Variants in ZBTB20 observed in about 807,000 individuals in gnomAD.
The protein encoded by ZBTB20 is zinc finger and BTB domain-containing protein 20.
Under a neutral mutation model 56.9 loss-of-function variants are expected in ZBTB20, and 9 were observed. That is an observed-to-expected ratio of 0.16 (90% CI 0.10 to 0.28). The LOEUF is 0.28. ZBTB20 is among the 10% of genes least tolerant of loss of function. The pLI is 1.00. For missense variants in ZBTB20, 655 were observed against 1,003.0 expected, an observed-to-expected ratio of 0.65 and a Z score of 4.69; for synonymous variants, 417 against 420.7, an observed-to-expected ratio of 0.99 and a Z score of 0.11.
chr3:114,884,867 A>G (rs1391266468), intron 4 of ZBTB20, among the ~76,000 whole-genome samples: 1 of 152,184 alleles, frequency 6.6e-6, no homozygotes, highest in Non-Finnish European at 1.5e-5. Context: ...GGGAGAAATG[A>G]TGGCTCAAAA....
At chr3:114,880,852 C>A (rs979218185) in intron 4 of ZBTB20, among the ~76,000 whole-genome samples, 3 of 152,096 alleles carry the variant, frequency 2.0e-5, no homozygotes, top group African/African-American at 7.2e-5. Context: ...GTTGCATGCA[C>A]ACATACATAT....
At chr3:114,715,998 T>C (rs2064452852) in intron 5 of ZBTB20, among the ~76,000 whole-genome samples, 2 of 152,216 alleles carry the variant, frequency 1.3e-5, no homozygotes, top group African/African-American at 4.8e-5. Flanking sequence ...CGTGGCCTCT[T>C]ATAATCATGA....
intron 5 of ZBTB20, among the ~76,000 whole-genome samples, chr3:114,737,542 A>G (rs970139886): frequency 6.6e-6 from 1 of 152,036 alleles, no homozygotes; most frequent in Non-Finnish European, 1.5e-5. Context: ...CAGAACCAAA[A>G]CTGCTATTCA....
At chr3:115,014,804 T>C (rs1336042681) in intron 2 of ZBTB20, among the ~76,000 whole-genome samples, 2 of 151,762 alleles carry the variant, frequency 1.3e-5, no homozygotes, top group Non-Finnish European at 2.9e-5. Flanking sequence ...TTGTTTGTTT[T>C]TCATTTGAGT....
At chr3:114,567,783 C>A (rs2052957121) in intron 6 of ZBTB20, among the ~76,000 whole-genome samples, 1 of 152,198 alleles carries the variant, frequency 6.6e-6, no homozygotes, top group South Asian at 2.1e-4. Flanking sequence ...AGGTTAAAAT[C>A]TTTTGAAACC....
chr3:114,993,234 G>A (rs1254104394), intron 2 of ZBTB20, among the ~76,000 whole-genome samples: 1 of 151,710 alleles, frequency 6.6e-6, no homozygotes, highest in East Asian at 1.9e-4. Context: ...GAGAAAAGCA[G>A]TACAAAAGAA....
intron 2 of ZBTB20, among the ~76,000 whole-genome samples, chr3:114,978,152 C>A (rs1280778852): frequency 1.3e-5 from 2 of 150,634 alleles, no homozygotes; most frequent in African/African-American, 4.9e-5. Context: ...ACATATTATT[C>A]TACTTTTTAA....
intron 4 of ZBTB20, among the ~76,000 whole-genome samples, chr3:114,827,659 G>A (rs572373077): frequency 6.6e-6 from 1 of 151,724 alleles, no homozygotes; most frequent in East Asian, 1.9e-4. Flanking sequence ...GGTCATGTGA[G>A]GGGGAGAGCT....
At chr3:114,351,970 A>G (rs2080713995) in intron 10 of ZBTB20, 92 bp from the exon 11 acceptor site, 2 of 1,483,760 alleles carry the variant, frequency 1.3e-6, no homozygotes, top group South Asian at 1.3e-5. Flanking sequence ...AGTAATGCTC[A>G]TGGCTCCTAG....
intron 6 of ZBTB20, among the ~76,000 whole-genome samples, chr3:114,511,993 G>A (rs1317520655): frequency 6.6e-6 from 1 of 152,072 alleles, no homozygotes; most frequent in Non-Finnish European, 1.5e-5. Context: ...GGGTTGTTGT[G>A]ATTTCAAAGA....
At position 114,337,578 on chromosome 3, in the gene ZBTB20, G is replaced by A. The variant is rs2079502772; in HGVS notation, c.*1427C>T. The A allele has an allele frequency of 6.6e-6, 1 of 152,112 alleles. No homozygotes were observed. The highest frequency in any genetic ancestry group is 6.5e-5 in the Admixed American group (1 of 15,276). The allele number at this position is 152,112 out of a possible 1,614,324, so 9.4% of individuals were successfully genotyped here. A position where few individuals can be genotyped will look rare whatever the true frequency, so the allele number is the denominator to read the frequency against. ...AGTGGGGCAACTTAAGCTTGCTAAAGTCAAAGAACTACATATCAAAATACA... is the reference window on the plus strand; with the variant it reads ...AGTGGGGCAACTTAAGCTTGCTAAAATCAAAGAACTACATATCAAAATACA... On this transcript the variant is annotated 3_prime_UTR_variant, in exon 12 of 12. Transcript: ENST00000675478.
intron 5 of ZBTB20, among the ~76,000 whole-genome samples, chr3:114,776,368 T>G (rs1333257808): frequency 6.6e-6 from 1 of 152,178 alleles, no homozygotes; most frequent in Non-Finnish European, 1.5e-5. Flanking sequence ...TGTATCCTTG[T>G]AACAGGAAGA....
At chr3:114,763,904 T>C (rs181868959) in intron 5 of ZBTB20, among the ~76,000 whole-genome samples, 30 of 152,282 alleles carry the variant, frequency 2.0e-4, no homozygotes, top group African/African-American at 7.0e-4. Context: ...ATTAGAGGAA[T>C]TGATTTTAAA....
intron 3 of ZBTB20, among the ~76,000 whole-genome samples, chr3:114,921,066 A>C (rs999297822): frequency 2.6e-5 from 4 of 152,216 alleles, no homozygotes; most frequent in Admixed American, 2.6e-4. Context: ...ATTAATAGCA[A>C]GTAAGGAGAT....
At chr3:114,665,679 G>T (rs2061007793) in intron 6 of ZBTB20, among the ~76,000 whole-genome samples, 1 of 151,988 alleles carries the variant, frequency 6.6e-6, no homozygotes, top group Admixed American at 6.6e-5. Context: ...TCTTACACAG[G>T]ACAGTCATTA....
At chr3:114,978,515 A>C (rs2078198672) in intron 2 of ZBTB20, among the ~76,000 whole-genome samples, 1 of 151,618 alleles carries the variant, frequency 6.6e-6, no homozygotes, top group Non-Finnish European at 1.5e-5. Flanking sequence ...AAAATATATA[A>C]TACATCATTA....
chr3:114,916,539 C>T (rs1383663207), intron 3 of ZBTB20, among the ~76,000 whole-genome samples: 1 of 152,044 alleles, frequency 6.6e-6, no homozygotes, highest in African/African-American at 2.4e-5. Context: ...CCCTTTCTTT[C>T]TAATTGAAGT....
intron 1 of ZBTB20, among the ~76,000 whole-genome samples, chr3:115,143,072 G>A (rs1006883261): frequency 6.6e-6 from 1 of 152,204 alleles, no homozygotes; most frequent in African/African-American, 2.4e-5. Context: ...TTGGAAAGGT[G>A]AGACACCCAC....
At chr3:114,576,979 T>C (rs1016379230) in intron 6 of ZBTB20, among the ~76,000 whole-genome samples, 47 of 152,122 alleles carry the variant, frequency 3.1e-4, no homozygotes, top group African/African-American at 1.0e-3. Flanking sequence ...AATTTAACCA[T>C]AGGATAGCAG....
Sources: allele counts gnomAD v4.1 joint callset (sites outside exome capture counted in the v4.1 genomes callset), GRCh38; gene constraint gnomAD v4.1.1; transcripts MANE v1.5; gene names NCBI Gene and HGNC (gene_info 2026-07-23, HGNC 2026-07-21).